The following NLRP14 variants were observed in gnomAD, a reference collection of about 807,000 sequenced individuals.
The protein encoded by NLRP14 is NACHT, LRR and PYD domains-containing protein 14.
A neutral mutation model predicts 94.7 loss-of-function variants in NLRP14; 105 were observed. That is an observed-to-expected ratio of 1.11 (90% CI 0.95 to 1.30). The LOEUF (loss-of-function observed/expected upper bound fraction) is 1.30, where lower values mean the gene tolerates loss of function less well. Ranked by LOEUF, NLRP14 falls within the 50% of genes most tolerant of loss-of-function variation. The pLI is 0.00. For synonymous variants in NLRP14, 508 were observed against 459.9 expected, an observed-to-expected ratio of 1.10 and a Z score of -1.34; for missense variants, 1,362 against 1,254.1, an observed-to-expected ratio of 1.09 and a Z score of -1.30.
chr11:7,022,351 A>G (rs1851959712), intron 1 of NLRP14, among the ~76,000 whole-genome samples: 1 of 152,186 alleles, frequency 6.6e-6, no homozygotes, highest in African/African-American at 2.4e-5. Context: ...ATGGGAAGAG[A>G]GGGATAGCCC....
intron 1 of NLRP14, among the ~76,000 whole-genome samples, chr11:7,031,147 C>T (rs1439401837): frequency 6.6e-6 from 1 of 152,234 alleles, no homozygotes; most frequent in Non-Finnish European, 1.5e-5. Context: ...CAGCAAATGC[C>T]TGTTGATCCT....
At chr11:7,053,518 A>G (rs1347229123) in intron 6 of NLRP14, among the ~76,000 whole-genome samples, 1 of 150,470 alleles carries the variant, frequency 6.6e-6, no homozygotes, top group Non-Finnish European at 1.5e-5. Context: ...ATATGTCTAC[A>G]GGAGAATTGT....
chr11:7,088,179 T>C, the NLRP14 span, among the ~76,000 whole-genome samples: 123 of 152,310 alleles, frequency 8.1e-4, 1 homozygote, highest in African/African-American at 2.8e-3. Flanking sequence ...GGAACATTAA[T>C]TACACCATAT....
At chr11:7,030,543 C>T (rs971569049) in intron 1 of NLRP14, among the ~76,000 whole-genome samples, 5 of 151,442 alleles carry the variant, frequency 3.3e-5, no homozygotes, top group Non-Finnish European at 7.4e-5. Context: ...GCGCTGTATT[C>T]CTTGCCCCAC....
At chr11:7,026,873 A>G (rs1852023308) in intron 1 of NLRP14, among the ~76,000 whole-genome samples, 1 of 151,732 alleles carries the variant, frequency 6.6e-6, no homozygotes. Context: ...ATGGTGAGTT[A>G]ATGGGTGCAG....
chr11:7,089,666 G>A, the NLRP14 span: 1 of 1,456,842 alleles, frequency 6.9e-7, no homozygotes, highest in East Asian at 2.5e-5. Context: ...GGAGGGCCCT[G>A]GCCGTGCGGG....
downstream of NLRP14, among the ~76,000 whole-genome samples, chr11:7,071,906 A>C (rs1852806125): frequency 6.6e-6 from 1 of 152,178 alleles, no homozygotes; most frequent in Non-Finnish European, 1.5e-5. Context: ...ATGGGAGTCT[A>C]CTTCTACAAT....
the NLRP14 span, among the ~76,000 whole-genome samples, chr11:7,086,814 C>T: frequency 6.6e-6 from 1 of 152,040 alleles, no homozygotes; most frequent in Non-Finnish European, 1.5e-5. Flanking sequence ...ATCTAGCTAG[C>T]CCTGAGGAAT....
At chr11:7,035,822 T>A (rs986449607) in intron 1 of NLRP14, among the ~76,000 whole-genome samples, 15 of 152,206 alleles carry the variant, frequency 9.9e-5, no homozygotes, top group Non-Finnish European at 1.6e-4. Flanking sequence ...CAGCATAGGG[T>A]CTGCTATCAC....
In NLRP14 at chr11:7,043,921, G is replaced by C. The variant is rs1022377364; in HGVS notation, c.1895G>C (p.Arg632Thr). 3 of 1,614,128 alleles carry C rather than the reference G, an allele frequency of 1.9e-6. No homozygotes were observed. The highest frequency in any genetic ancestry group is 2.5e-6 in the Non-Finnish European group (3 of 1,179,998). Residue 632 changes from arginine (R) to threonine (T), a missense_variant, in exon 4 of 12, where the codon AGG becomes ACG. By Grantham distance (71) the Arg-to-Thr change is moderately conservative. Coordinates refer to ENST00000299481, the MANE Select transcript of NLRP14 (RefSeq NM_176822.4). The stretch of plus-strand genomic sequence containing the variant: ...CACTGCCGGTGTTTGCGGACCATCA[G>C]GCTGTCTGTAACTGTGGTATTTGAG... ...LKHCRCLRTI[R>T]LSVTVVFEKK...
intron 8 of NLRP14, among the ~76,000 whole-genome samples, chr11:7,058,930 T>C (rs868600789): frequency 5.9e-5 from 9 of 152,086 alleles, no homozygotes; most frequent in South Asian, 4.1e-4. Flanking sequence ...GGTTTTAATT[T>C]GGCCAAATAT....
intron 10 of NLRP14, among the ~76,000 whole-genome samples, chr11:7,068,827 C>T (rs1371218499): frequency 6.6e-5 from 10 of 151,798 alleles, no homozygotes; most frequent in Non-Finnish European, 1.3e-4. Context: ...TTTTTTTCTT[C>T]TTTTCTGGTA....
At chr11:7,023,805 C>T (rs1209029280) in intron 1 of NLRP14, among the ~76,000 whole-genome samples, 14 of 151,932 alleles carry the variant, frequency 9.2e-5, no homozygotes, top group Non-Finnish European at 1.5e-4. Flanking sequence ...GGGCTATGGG[C>T]ATGTCTCACA....
intron 11 of NLRP14, among the ~76,000 whole-genome samples, 160 bp from the exon 12 acceptor site, chr11:7,071,013 C>T (rs894926907): frequency 7.9e-5 from 12 of 152,116 alleles, no homozygotes; most frequent in African/African-American, 2.9e-4. Context: ...CTCACTGTAT[C>T]TCTCTCAGTT....
intron 9 of NLRP14, among the ~76,000 whole-genome samples, chr11:7,061,098 C>T (rs1009534145): frequency 6.6e-6 from 1 of 151,970 alleles, no homozygotes; most frequent in Non-Finnish European, 1.5e-5. Flanking sequence ...AAGTCAAGCT[C>T]TTTGGTTGAC....
At chr11:7,045,737 ATATAT>A (rs1247469951) in intron 4 of NLRP14, among the ~76,000 whole-genome samples, 2 of 151,628 alleles carry the variant, frequency 1.3e-5, no homozygotes, top group African/African-American at 2.4e-5. Context: ...CATGTTTTGT[ATATAT>A]TATATTTAAT....
intron 1 of NLRP14, among the ~76,000 whole-genome samples, chr11:7,031,622 C>A (rs2119571696): frequency 6.6e-6 from 1 of 152,306 alleles, no homozygotes; most frequent in East Asian, 1.9e-4. Context: ...AATAGCCCCA[C>A]TTTCACCAGC....
chr11:7,022,661 A>C (rs1197243291), intron 1 of NLRP14, among the ~76,000 whole-genome samples: 2 of 152,212 alleles, frequency 1.3e-5, no homozygotes, highest in Non-Finnish European at 2.9e-5. Flanking sequence ...GTGCACAGAA[A>C]ATTTTCAGAA....
intron 3 of NLRP14, among the ~76,000 whole-genome samples, chr11:7,040,551 A>G (rs969233): frequency 0.82 from 124,442 of 152,138 alleles, 51,146 homozygotes; most frequent in East Asian, 0.99. Flanking sequence ...TGCCCAAAAG[A>G]TTGGGGATTT....
Sources: gnomAD v4.1 joint callset for allele counts (sites outside exome capture counted in the v4.1 genomes callset) on GRCh38, gnomAD v4.1.1 for gene constraint, MANE v1.5 for transcripts, NCBI Gene and HGNC (gene_info 2026-07-23, HGNC 2026-07-21) for gene names.